Variants in BCAS3 observed in about 807,000 individuals in gnomAD.
The protein encoded by BCAS3 is BCAS3 microtubule associated cell migration factor, also known as BCAS4/BCAS3 fusion.
BCAS3 carries 53 observed loss-of-function variants against 116.1 expected under a neutral mutation model. That is an observed-to-expected ratio of 0.46 (90% CI 0.37 to 0.57). BCAS3 has a LOEUF of 0.57. Among genes scored for constraint, BCAS3 ranks in the 20% least tolerant of loss-of-function variants. The pLI is 0.00. For synonymous variants in BCAS3, 391 were observed against 408.2 expected (o/e 0.96, Z 0.51); for missense variants, 917 against 1,165.4 (o/e 0.79, Z 3.10).
chr17:61,194,152 G>T (rs1208694130), intron 22 of BCAS3, among the ~76,000 whole-genome samples: 1 of 152,102 alleles, frequency 6.6e-6, no homozygotes, highest in Non-Finnish European at 1.5e-5. Flanking sequence ...GGGAGGGGAG[G>T]GGAGAGGAGG....
At chr17:61,116,719 G>C (rs1393660970) in intron 22 of BCAS3, among the ~76,000 whole-genome samples, 2 of 152,110 alleles carry the variant, frequency 1.3e-5, no homozygotes, top group African/African-American at 2.4e-5. Flanking sequence ...AAAATGGTTT[G>C]ATTTCCCCTT....
Position 61,105,169 on chromosome 17 carries a change from C to T in BCAS3, c.2425+20605C>T, listed in dbSNP as rs114176720. On this transcript the variant is annotated intron_variant, in intron 22 of 23. Transcript: ENST00000407086. This position sits in a 1 kb window ranked among gnomAD's most constrained non-coding sequence, Gnocchi z 4.3. ...CTCTACTTACATTTATTGAAAACTA[C>T]CCTGCCGCAGGGCACAGCACATTGG... Among the ~76,000 whole-genome samples, 25 of 152,296 alleles carry T rather than the reference C, an allele frequency of 1.6e-4. No homozygotes were observed. The highest frequency in any genetic ancestry group is 5.5e-4 in the African/African-American group (23 of 41,542).
At chr17:60,686,219 A>G (rs901625213) in intron 3 of BCAS3, among the ~76,000 whole-genome samples, 7 of 152,060 alleles carry the variant, frequency 4.6e-5, no homozygotes, top group African/African-American at 1.7e-4. Flanking sequence ...AGTGCTTTCT[A>G]ACATTTTTTT....
chr17:60,922,714 A>G (rs1175789584), intron 12 of BCAS3, among the ~76,000 whole-genome samples: 2 of 152,220 alleles, frequency 1.3e-5, no homozygotes, highest in Non-Finnish European at 2.9e-5. Context: ...CATGAAACAG[A>G]TCTTAATAAC....
chr17:60,793,995 A>G (rs930438179), intron 6 of BCAS3, among the ~76,000 whole-genome samples: 30 of 152,168 alleles, frequency 2.0e-4, no homozygotes, highest in African/African-American at 6.8e-4. Context: ...TGTTTTCCCT[A>G]GTGGCTGTAC....
At chr17:60,841,726 C>T (rs1397481297) in intron 7 of BCAS3, among the ~76,000 whole-genome samples, 2 of 151,880 alleles carry the variant, frequency 1.3e-5, no homozygotes, top group Non-Finnish European at 2.9e-5. Context: ...CACAATTTAA[C>T]TGGTTCATTA....
At chr17:61,299,955 A>G (rs563961179) in intron 22 of BCAS3, among the ~76,000 whole-genome samples, 1 of 152,228 alleles carries the variant, frequency 6.6e-6, no homozygotes, top group African/African-American at 2.4e-5. Flanking sequence ...AGATACGTGT[A>G]TAGAAGATGA....
chr17:61,115,903 A>G (rs1199606229), intron 22 of BCAS3, among the ~76,000 whole-genome samples: 1 of 151,824 alleles, frequency 6.6e-6, no homozygotes, highest in Non-Finnish European at 1.5e-5. Flanking sequence ...ATGGAATACT[A>G]TGCAGCCATA....
chr17:60,925,992 A>G (rs2145165338), intron 13 of BCAS3, among the ~76,000 whole-genome samples: 1 of 152,188 alleles, frequency 6.6e-6, no homozygotes, highest in East Asian at 1.9e-4. Flanking sequence ...ATTTTAAGTG[A>G]TTTTGTGCAT....
At chr17:60,814,042 G>A (rs2049096272) in intron 7 of BCAS3, among the ~76,000 whole-genome samples, 2 of 152,074 alleles carry the variant, frequency 1.3e-5, no homozygotes, top group Admixed American at 1.3e-4. Context: ...TTTTAGAGTA[G>A]TTGTTTTTCT....
chr17:60,867,369 G>T (rs959592882), intron 7 of BCAS3, among the ~76,000 whole-genome samples: 2 of 152,082 alleles, frequency 1.3e-5, no homozygotes, highest in Non-Finnish European at 2.9e-5. Context: ...GCCTCCTAAA[G>T]TGCTGGGGTT....
chr17:61,044,465 A>AAAAAAAAATATAT, intron 19 of BCAS3, among the ~76,000 whole-genome samples: 2 of 120,124 alleles, frequency 1.7e-5, no homozygotes, highest in African/African-American at 1.0e-4. Context: ...AAAAAAAAAA[A>AAAAAAAAATATAT]ATATATATAT....
intron 6 of BCAS3, among the ~76,000 whole-genome samples, chr17:60,798,550 G>A (rs541830208): frequency 6.6e-6 from 1 of 152,202 alleles, no homozygotes; most frequent in South Asian, 2.1e-4. Flanking sequence ...TTAGTCTGTT[G>A]TTTGGATATA....
intron 22 of BCAS3, among the ~76,000 whole-genome samples, chr17:61,252,633 T>C (rs1013619570): frequency 6.6e-6 from 1 of 151,756 alleles, no homozygotes; most frequent in Non-Finnish European, 1.5e-5. Context: ...TGAGTCCTTA[T>C]GGAACATGGT....
At position 61,286,553 on chromosome 17, in the gene BCAS3, G is replaced by A. The variant is rs9912488; in HGVS notation, c.2426-81774G>A. ...CTGCTGCTTGGTGCACGACCAAAAA[G>A]TAACATGTCAGAATAGGGATTTTCA... On this transcript the variant is annotated intron_variant, in intron 22 of 23. Coordinates refer to ENST00000407086, the MANE Select transcript of BCAS3 (RefSeq NM_017679.5). The surrounding 1 kb of genome is among the most constrained non-coding windows in gnomAD (Gnocchi z 4.8). Among the ~76,000 whole-genome samples, 10,409 of 152,190 alleles carry A rather than the reference G, an allele frequency of 0.068. 1,160 individuals carry two copies. Among genetic ancestry groups the A allele is most frequent in the African/African-American group, 0.24 (9,763 of 41,474 alleles).
At position 61,131,303 on chromosome 17, in the gene BCAS3, A is replaced by G. The variant is rs934085467; in HGVS notation, c.2425+46739A>G. Among the ~76,000 whole-genome samples, 5 of 152,208 alleles carry G rather than the reference A, an allele frequency of 3.3e-5. No homozygotes were observed. The highest frequency in any genetic ancestry group is 5.9e-5 in the Non-Finnish European group (4 of 68,022). The stretch of plus-strand genomic sequence containing the variant: ...TCTTACTTGGAAAGTTTCATTTCCT[A>G]ATGACATCACTGAAACAGCAGGTAT... On this transcript the variant is annotated intron_variant, in intron 22 of 23. Coordinates refer to ENST00000407086, the MANE Select transcript of BCAS3 (RefSeq NM_017679.5). The surrounding 1 kb of genome is among the most constrained non-coding windows in gnomAD (Gnocchi z 4.4).
chr17:61,074,292 C>T (rs991396516), intron 19 of BCAS3, among the ~76,000 whole-genome samples: 2 of 151,416 alleles, frequency 1.3e-5, no homozygotes, highest in African/African-American at 4.8e-5. Flanking sequence ...GTGAGTGAGT[C>T]GTAGCTTCCA....
rs1401247893 is a variant in BCAS3 at position 60,967,071 on chromosome 17, G to C, written c.1221+19719G>C. On this transcript the variant is annotated intron_variant, in intron 14 of 23. Coordinates refer to ENST00000407086, the MANE Select transcript of BCAS3 (RefSeq NM_017679.5). The surrounding 1 kb of genome is among the most constrained non-coding windows in gnomAD (Gnocchi z 4.7). ...CTTTTGGGTTTCATACTAGAGTTAT[G>C]AGTGGATTGTACACCACCATTTCAG... Among the ~76,000 whole-genome samples, 1 of 152,138 alleles carries C rather than the reference G, an allele frequency of 6.6e-6. No individual in the cohort carries two copies. Among genetic ancestry groups the C allele is most frequent in the Non-Finnish European group, 1.5e-5 (1 of 68,010 alleles).
chr17:60,760,331 T>TTCCCC (rs2043402009), intron 6 of BCAS3, among the ~76,000 whole-genome samples: 3 of 152,160 alleles, frequency 2.0e-5, no homozygotes, highest in Admixed American at 6.5e-5. Flanking sequence ...GGGTATGTGT[T>TTCCCC]ATTCTTTTAC....
Sources: allele counts gnomAD v4.1 joint callset (sites outside exome capture counted in the v4.1 genomes callset), GRCh38; gene constraint gnomAD v4.1.1; non-coding constraint Gnocchi (gnomAD v3.1); transcripts MANE v1.5; gene names NCBI Gene and HGNC (gene_info 2026-07-23, HGNC 2026-07-21).